The following ATF7 variants were observed in gnomAD, a reference collection of about 807,000 sequenced individuals.
ATF7 encodes the protein activating transcription factor 7.
In ATF7, 10 loss-of-function variants were observed where a neutral mutation model predicts 50.4. That is an observed-to-expected ratio of 0.20 (90% CI 0.12 to 0.34). ATF7 has a LOEUF of 0.34. ATF7 is among the 10% of genes least tolerant of loss of function. The probability of loss-of-function intolerance (pLI) is 1.00; values close to 1 mark genes in which losing one functional copy is unlikely to be tolerated. For synonymous variants in ATF7, 201 were observed against 226.4 expected, an observed-to-expected ratio of 0.89 and a Z score of 1.01; for missense variants, 465 against 613.9, an observed-to-expected ratio of 0.76 and a Z score of 2.56.
At chr12:53,581,620 T>C (rs1942429342) in intron 2 of ATF7, among the ~76,000 whole-genome samples, 1 of 151,950 alleles carries the variant, frequency 6.6e-6, no homozygotes, top group Non-Finnish European at 1.5e-5. Context: ...TCCAGAGAAA[T>C]TAAAAAGTAT....
intron 3 of ATF7, among the ~76,000 whole-genome samples, chr12:53,546,379 A>T (rs2137459561): frequency 6.6e-6 from 1 of 152,258 alleles, no homozygotes. Context: ...GTCTCAAAAA[A>T]AACAAAAAAC....
chr12:53,511,223 G>A (rs1944120906), downstream of ATF7, among the ~76,000 whole-genome samples: 1 of 152,166 alleles, frequency 6.6e-6, no homozygotes, highest in South Asian at 2.1e-4. Context: ...CACAGTCTCT[G>A]AGCATTACCT....
intron 1 of ATF7, among the ~76,000 whole-genome samples, chr12:53,612,428 C>T (rs1943923836): frequency 6.6e-6 from 1 of 152,138 alleles, no homozygotes; most frequent in Non-Finnish European, 1.5e-5. Flanking sequence ...CGTGTGCCAT[C>T]ACGCCCGGCT....
At chr12:53,574,372 A>C (rs1941938857) in intron 2 of ATF7, among the ~76,000 whole-genome samples, 1 of 152,184 alleles carries the variant, frequency 6.6e-6, no homozygotes, top group African/African-American at 2.4e-5. Context: ...CGTATCCTTC[A>C]TAATATCCTT....
intron 3 of ATF7, among the ~76,000 whole-genome samples, chr12:53,546,199 AC>A (rs1216724484): frequency 2.0e-5 from 3 of 151,668 alleles, no homozygotes; most frequent in Non-Finnish European, 2.9e-5. Context: ...TCTCAAAAAA[AC>A]AAACAAACAA....
At chr12:53,563,863 A>C (rs1163999047) in intron 2 of ATF7, among the ~76,000 whole-genome samples, 2 of 152,212 alleles carry the variant, frequency 1.3e-5, no homozygotes, top group African/African-American at 2.4e-5. Flanking sequence ...TCCATTTGCA[A>C]AGTAAATTTC....
intron 3 of ATF7, among the ~76,000 whole-genome samples, chr12:53,547,140 A>G (rs953650762): frequency 1.8e-4 from 27 of 150,770 alleles, no homozygotes; most frequent in African/African-American, 6.3e-4. Flanking sequence ...GCCCGCCACC[A>G]TGCCTGGCTA....
rs184103555 is a variant in ATF7 at position 53,620,094 on chromosome 12, T to C, written c.-22+6185A>G. On this transcript the variant is annotated intron_variant, in intron 1 of 11. Transcript: ENST00000420353. Reference sequence around the variant, plus strand: ...GAGACTGAAGCTGCAGTATGAGCCATGATTGTGCCACTGTACTCCAGTCTG... The same window carrying C: ...GAGACTGAAGCTGCAGTATGAGCCACGATTGTGCCACTGTACTCCAGTCTG... Among the ~76,000 whole-genome samples, 3 of 151,966 alleles carry C rather than the reference T, an allele frequency of 2.0e-5. No homozygotes were observed. In the East Asian group the frequency reaches 5.8e-4, roughly 30 times the overall value.
chr12:53,593,951 T>G (rs1200731946), intron 2 of ATF7, among the ~76,000 whole-genome samples: 1 of 152,250 alleles, frequency 6.6e-6, no homozygotes, highest in Non-Finnish European at 1.5e-5. Flanking sequence ...CAAGTCAATC[T>G]GCATTAAAGA....
At position 53,552,542 on chromosome 12, in the gene ATF7, T is replaced by C; in HGVS notation, c.144A>G (p.Ala48=). The change falls in exon 3 of 12, where the codon GCA becomes GCG. Residue 48 remains alanine, a splice_region_variant and synonymous_variant. Transcript: ENST00000420353. Reference sequence around the variant, plus strand: ...CGTGGCTTTTGGGGCAGCAAATACCTGCAATGATGACTGAGTCAGTTCGGG... The same window carrying C: ...CGTGGCTTTTGGGGCAGCAAATACCCGCAATGATGACTGAGTCAGTTCGGG... ...GPARTDSVII[A]DQTPTPTRFL... 6.2e-7 allele frequency: 1 copy of C among 1,613,320 alleles called. No homozygotes were observed. Among genetic ancestry groups the C allele is most frequent in the Non-Finnish European group, 8.5e-7 (1 of 1,179,316 alleles).
At chr12:53,608,174 T>C (rs1172374063) in intron 1 of ATF7, among the ~76,000 whole-genome samples, 3 of 148,110 alleles carry the variant, frequency 2.0e-5, no homozygotes, top group Non-Finnish European at 4.4e-5. Context: ...GAGCTGAGAT[T>C]GTGCCACTGC....
At chr12:53,554,635 G>C (rs1265256444) in intron 2 of ATF7, among the ~76,000 whole-genome samples, 1 of 151,294 alleles carries the variant, frequency 6.6e-6, no homozygotes, top group Non-Finnish European at 1.5e-5. Flanking sequence ...GGCCTAGGTG[G>C]GTGGATCACT....
chr12:53,518,896 A>C (rs1403910671), intron 11 of ATF7, among the ~76,000 whole-genome samples: 1 of 151,142 alleles, frequency 6.6e-6, no homozygotes, highest in African/African-American at 2.4e-5. Context: ...AAAAAAAAAA[A>C]CCAAAAAATT....
intron 1 of ATF7, among the ~76,000 whole-genome samples, chr12:53,607,560 A>G (rs1156609579): frequency 6.6e-6 from 1 of 152,234 alleles, no homozygotes; most frequent in Non-Finnish European, 1.5e-5. Flanking sequence ...AATATAAATT[A>G]AGGTACTGCC....
At chr12:53,620,342 C>T (rs1028538714) in intron 1 of ATF7, among the ~76,000 whole-genome samples, 19 of 151,218 alleles carry the variant, frequency 1.3e-4, no homozygotes, top group Non-Finnish European at 2.4e-4. Context: ...TTTGGGAGGC[C>T]GAGGCGGGCG....
chr12:53,544,939 T>C (rs575072687), intron 3 of ATF7, among the ~76,000 whole-genome samples: 83 of 152,302 alleles, frequency 5.4e-4, no homozygotes, highest in Admixed American at 1.2e-3. Context: ...CTGGCAGCTT[T>C]GGTTGGCTAA....
At chr12:53,519,266 G>T (rs1323957640) in intron 11 of ATF7, among the ~76,000 whole-genome samples, 1 of 152,034 alleles carries the variant, frequency 6.6e-6, no homozygotes, top group Non-Finnish European at 1.5e-5. Context: ...TTTTTAACTG[G>T]GATATCTATC....
At chr12:53,623,146 A>C (rs1360657633) in intron 1 of ATF7, among the ~76,000 whole-genome samples, 1 of 152,226 alleles carries the variant, frequency 6.6e-6, no homozygotes, top group South Asian at 2.1e-4. Flanking sequence ...AAATGTTCTA[A>C]AAGTAAAGCT....
Position 53,601,026 on chromosome 12 carries a change from GGAGGGGGAGGT to G in ATF7, c.-21-16_-21-6del. On this transcript the variant is annotated splice_region_variant and splice_polypyrimidine_tract_variant and intron_variant, in intron 1 of 11. Coordinates refer to ENST00000420353, the MANE Select transcript of ATF7 (RefSeq NM_006856.3). ...ATTTCATATAGCAGAGAGGAGCTGA[GGAGGGGGAGGT>G]GAGGGAAAAAGTTATGTTAAATATG... 6.2e-7 allele frequency: 1 copy of G among 1,608,154 alleles called. No individual in the cohort carries two copies. Among genetic ancestry groups the G allele is most frequent in the Non-Finnish European group, 8.5e-7 (1 of 1,176,972 alleles).
Sources: gnomAD v4.1 joint callset for allele counts (sites outside exome capture counted in the v4.1 genomes callset) on GRCh38, gnomAD v4.1.1 for gene constraint, MANE v1.5 for transcripts, NCBI Gene and HGNC (gene_info 2026-07-23, HGNC 2026-07-21) for gene names.